The following LUZP1 variants were observed in gnomAD, a reference collection of about 807,000 sequenced individuals.
LUZP1 encodes the protein filamin mechanobinding actin cross-linking protein.
A neutral mutation model predicts 71.3 loss-of-function variants in LUZP1; 25 were observed. The observed-to-expected ratio is 0.35, with a 90% CI of 0.26 to 0.49. The LOEUF is 0.49. Ranked by LOEUF, LUZP1 falls within the 20% of genes least tolerant of loss-of-function variation. The pLI is 0.99. For synonymous variants in LUZP1, 481 were observed against 506.4 expected (o/e 0.95, Z 0.67); for missense variants, 1,142 against 1,300.8 (o/e 0.88, Z 1.88).
chr1:23,142,103 C>T (rs1325505448), intron 2 of LUZP1, among the ~76,000 whole-genome samples: 1 of 152,110 alleles, frequency 6.6e-6, no homozygotes, highest in Non-Finnish European at 1.5e-5. Context: ...GCCTCAGCCT[C>T]CCAAAGTGCT....
chr1:23,153,567 G>T (rs1644399685), intron 2 of LUZP1, among the ~76,000 whole-genome samples: 2 of 151,796 alleles, frequency 1.3e-5, no homozygotes, highest in South Asian at 4.1e-4. Flanking sequence ...TTAGTCAATG[G>T]TATTTTCACC....
chr1:23,122,192 G>C (rs997997098), intron 2 of LUZP1, among the ~76,000 whole-genome samples: 9 of 152,104 alleles, frequency 5.9e-5, no homozygotes, highest in African/African-American at 1.9e-4. Context: ...AAGTTGTGCT[G>C]AATGAATGAT....
intron 2 of LUZP1, among the ~76,000 whole-genome samples, chr1:23,146,079 G>A (rs1363447505): frequency 1.3e-5 from 2 of 152,010 alleles, no homozygotes; most frequent in Non-Finnish European, 2.9e-5. Context: ...TCACCAGGCT[G>A]GAGTGCAGTG....
At chr1:23,085,058 A>AATG (rs1643742564) in exon 5 of LUZP1, 1 of 152,616 alleles carries the variant, frequency 6.6e-6, no homozygotes, top group Admixed American at 6.5e-5. Flanking sequence ...AGGCAGCTCC[A>AATG]ATGATACACA....
chr1:23,171,095 A>ATATATAT (rs1553143566), intron 1 of LUZP1, among the ~76,000 whole-genome samples: 3 of 140,586 alleles, frequency 2.1e-5, no homozygotes, highest in Non-Finnish European at 4.5e-5. Flanking sequence ...TCTCAAAAAA[A>ATATATAT]AAAAATATAT....
chr1:23,120,205 A>G (rs1483268424), intron 2 of LUZP1, among the ~76,000 whole-genome samples: 3 of 149,504 alleles, frequency 2.0e-5, no homozygotes, highest in Non-Finnish European at 4.5e-5. Flanking sequence ...AGCCTCCCAA[A>G]ATGCTGGAAT....
intron 2 of LUZP1, among the ~76,000 whole-genome samples, chr1:23,154,369 CA>C (rs968432444): frequency 2.7e-5 from 4 of 149,698 alleles, no homozygotes; most frequent in Non-Finnish European, 5.9e-5. Flanking sequence ...CCCATCTCTA[CA>C]AAAAAAAAAT....
intron 2 of LUZP1, among the ~76,000 whole-genome samples, chr1:23,131,087 C>T (rs1289529664): frequency 2.6e-5 from 4 of 151,666 alleles, no homozygotes; most frequent in South Asian, 2.1e-4. Context: ...GGCGTGGTGG[C>T]GGGCACCTGT....
At chr1:23,103,579 A>G (rs1283309239) in intron 3 of LUZP1, among the ~76,000 whole-genome samples, 3 of 151,178 alleles carry the variant, frequency 2.0e-5, no homozygotes, top group Non-Finnish European at 4.4e-5. Flanking sequence ...TCCCAAGACA[A>G]CTCACTCCAT....
chr1:23,146,185 T>C (rs1644341417), intron 2 of LUZP1, among the ~76,000 whole-genome samples: 1 of 151,942 alleles, frequency 6.6e-6, no homozygotes, highest in Admixed American at 6.6e-5. Flanking sequence ...CACATGCTAA[T>C]TTTTGTATTT....
At chr1:23,084,339 C>T (rs1047914272) in exon 5 of LUZP1, 7 of 152,152 alleles carry the variant, frequency 4.6e-5, no homozygotes, top group Non-Finnish European at 8.8e-5. Flanking sequence ...TGGGAAGGCT[C>T]GTGGCTCCTT....
At position 23,094,434 on chromosome 1, in the gene LUZP1, T is replaced by C; in HGVS notation, c.-119-54A>G. ...GTCAGCAAATGTAAAACCTGCACGT[T>C]AGCTCCCAGTTATAGAAAAGTGCTC... is the stretch of plus-strand genomic sequence containing the variant. On this transcript the variant is annotated intron_variant, in intron 3 of 4. Coordinates refer to ENST00000302291, the Ensembl canonical transcript of LUZP1. This position sits in a 1 kb window ranked among gnomAD's most constrained non-coding sequence, Gnocchi z 4.7. 2 of 1,309,070 alleles carry C rather than the reference T, an allele frequency of 1.5e-6. No homozygotes were observed. The highest frequency in any genetic ancestry group is 2.0e-6 in the Non-Finnish European group (2 of 1,008,506). The allele number at this position is 1,309,070 out of a possible 1,614,324, so 81.1% of individuals were successfully genotyped here.
In LUZP1 at chr1:23,091,716, T is replaced by C. The variant is rs200399818; in HGVS notation, c.2546A>G (p.His849Arg). 6.2e-7 allele frequency: 1 copy of C among 1,614,076 alleles called. No homozygotes were observed. Among genetic ancestry groups the C allele is most frequent in the Admixed American group, 1.7e-5 (1 of 60,018 alleles). ...TTCTGCAAGCTGCAGGGTGATGTCA[T>C]GTTTGTGAATGGAGAGCTCAAAAGG... Residue 849 changes from histidine to arginine, a missense_variant, in exon 4 of 5, where the codon CAT (histidine) becomes CGT (arginine). His to Arg is a conservative substitution (Grantham distance 29, BLOSUM62 0). Coordinates refer to ENST00000302291, the Ensembl canonical transcript of LUZP1.
exon 4 of LUZP1, chr1:23,092,540 G>A (rs1217419843): frequency 3.1e-6 from 5 of 1,614,054 alleles, no homozygotes; most frequent in Middle Eastern, 1.6e-4. Flanking sequence ...GCCCTTCTGA[G>A]GAGGATCTTC....
intron 2 of LUZP1, among the ~76,000 whole-genome samples, chr1:23,128,988 G>A (rs1644193921): frequency 6.6e-6 from 1 of 152,166 alleles, no homozygotes; most frequent in Non-Finnish European, 1.5e-5. Flanking sequence ...AAGCTAAAGA[G>A]AAAATAAACA....
chr1:23,107,571 T>C lies in LUZP1; in HGVS notation c.-120+1451A>G, dbSNP rs564092746. Among the ~76,000 whole-genome samples, 41 of 152,216 alleles carry C rather than the reference T, an allele frequency of 2.7e-4. No homozygotes were observed. The South Asian group carries it at 7.3e-3, about 27-fold the overall frequency. On this transcript the variant is annotated intron_variant, in intron 3 of 4. Coordinates refer to ENST00000302291, the Ensembl canonical transcript of LUZP1. The stretch of plus-strand genomic sequence containing the variant: ...ATCCCAGCACTCTGGGAGGCCAAGG[T>C]GGGCAAATCACCTGAGGTCAGGAGT...
At chr1:23,091,614 G>A (rs756234092) in exon 4 of LUZP1, 1 of 1,614,118 alleles carries the variant, frequency 6.2e-7, no homozygotes, top group Non-Finnish European at 8.5e-7. Context: ...AGGATCCGAT[G>A]GCTTGATTAT....
intron 2 of LUZP1, among the ~76,000 whole-genome samples, chr1:23,160,137 T>C (rs950503734): frequency 6.6e-5 from 10 of 152,222 alleles, no homozygotes; most frequent in African/African-American, 2.2e-4. Flanking sequence ...ATTTGAAATA[T>C]GTACTGAGTT....
chr1:23,092,555 T>A (rs760156862), exon 4 of LUZP1: 12 of 1,614,208 alleles, frequency 7.4e-6, no homozygotes, highest in Non-Finnish European at 1.0e-5. Flanking sequence ...ATCTTCGAGA[T>A]GAGGCCAGGG....
Sources: gnomAD v4.1 joint callset for allele counts (sites outside exome capture counted in the v4.1 genomes callset) on GRCh38, gnomAD v4.1.1 for gene constraint, Gnocchi (gnomAD v3.1) non-coding constraint, MANE v1.5 for transcripts, NCBI Gene and HGNC (gene_info 2026-07-23, HGNC 2026-07-21) for gene names.